Variants in NOM1 observed in about 807,000 individuals in gnomAD.
NOM1 encodes nucleolar MIF4G domain-containing protein 1.
Under a neutral mutation model 73.3 loss-of-function variants are expected in NOM1, and 58 were observed. The ratio of observed to expected loss-of-function variants is 0.79; its 90% CI spans 0.64 to 0.99. The LOEUF (loss-of-function observed/expected upper bound fraction) is 0.99. Ranked by LOEUF, NOM1 falls within the 50% of genes least tolerant of loss-of-function variation. The pLI is 0.00. For missense variants in NOM1, 1,226 were observed against 1,131.9 expected (o/e 1.08, Z -1.19); for synonymous variants, 487 against 446.8 (o/e 1.09, Z -1.14).
intron 7 of NOM1, 151 bp from the exon 8 acceptor site, chr7:156,966,119 C>A: frequency 1.1e-6 from 1 of 874,392 alleles, no homozygotes; most frequent in Non-Finnish European, 1.8e-6. Context: ...GGGCTGGGCC[C>A]CTAGCTGGTG....
intron 3 of NOM1, among the ~76,000 whole-genome samples, chr7:156,957,997 T>C (rs1043776785): frequency 6.6e-6 from 1 of 152,196 alleles, no homozygotes; most frequent in Admixed American, 6.6e-5. Context: ...CTTTACAAAC[T>C]GAAGTGTATA....
At chr7:156,958,246 C>A (rs1442702840) in intron 3 of NOM1, among the ~76,000 whole-genome samples, 1 of 152,220 alleles carries the variant, frequency 6.6e-6, no homozygotes, top group Non-Finnish European at 1.5e-5. Flanking sequence ...AACCCCTGAG[C>A]TGGTCTTGTC....
intron 7 of NOM1, 197 bp from the exon 8 acceptor site, chr7:156,966,072 AT>A: frequency 1.6e-6 from 1 of 626,948 alleles, no homozygotes; most frequent in Non-Finnish European, 2.8e-6. Flanking sequence ...ATTTTGCCAC[AT>A]TGTAGGAGAA....
intron 3 of NOM1, among the ~76,000 whole-genome samples, chr7:156,957,648 G>T (rs1041278195): frequency 6.6e-6 from 1 of 151,766 alleles, no homozygotes; most frequent in African/African-American, 2.4e-5. Flanking sequence ...GGTGGCAGGT[G>T]CCTATAGTCC....
chr7:156,954,240 G>A lies in NOM1; in HGVS notation c.1250G>A (p.Arg417Lys), dbSNP rs1306910808. The A allele has an allele frequency of 6.2e-7, 1 of 1,611,848 alleles. No individual in the cohort carries two copies. Among genetic ancestry groups the A allele is most frequent in the Non-Finnish European group, 8.5e-7 (1 of 1,179,410 alleles). Residue 417 changes from arginine to lysine, a missense_variant, in exon 3 of 11, where the codon AGA becomes AAA. Transcript: ENST00000275820. ...ACVTASAMPS[R>K]LMMEHVLLVS... ...GTCACTGCCTCGGCCATGCCCAGCAGACTGATGATGGAGCATGTTCTCTTA... is the reference window on the plus strand; with the variant it reads ...GTCACTGCCTCGGCCATGCCCAGCAAACTGATGATGGAGCATGTTCTCTTA...
At chr7:156,961,790 G>A (rs1238820593) in intron 4 of NOM1, among the ~76,000 whole-genome samples, 2 of 152,108 alleles carry the variant, frequency 1.3e-5, no homozygotes, top group Non-Finnish European at 2.9e-5. Flanking sequence ...GAGAGAGGAT[G>A]TCCAGAGCAG....
Position 156,969,564 on chromosome 7 carries a change from A to C in NOM1, c.2444A>C (p.Glu815Ala), listed in dbSNP as rs369227371. Residue 815 changes from glutamate to alanine, a missense_variant, in exon 11 of 11, where the codon GAG becomes GCG. Glu to Ala is a moderately radical substitution (Grantham distance 107, BLOSUM62 -1). Coordinates refer to ENST00000275820, the MANE Select transcript of NOM1 (RefSeq NM_138400.2). ...AACCCAAAGCTGGGGGTGTTACGTG[A>C]GGGTTTGAAGCTTTTCATCAGCCAC... ...SDNPKLGVLREGLKLFISHFL... is the reference protein window; with the variant it reads ...SDNPKLGVLRAGLKLFISHFL... The C allele has an allele frequency of 6.2e-7, 1 of 1,613,728 alleles. No homozygotes were observed. Among genetic ancestry groups the C allele is most frequent in the Non-Finnish European group, 8.5e-7 (1 of 1,179,918 alleles).
chr7:156,954,519 A>ATTTTTTTT, intron 3 of NOM1, among the ~76,000 whole-genome samples: 1 of 97,102 alleles, frequency 1.0e-5, no homozygotes, highest in South Asian at 3.1e-4. Context: ...TGTTCTGTCC[A>ATTTTTTTT]TTCTTTTTTT....
intron 1 of NOM1, among the ~76,000 whole-genome samples, chr7:156,952,171 C>G (rs1804609964): frequency 6.6e-6 from 1 of 152,112 alleles, no homozygotes; most frequent in South Asian, 2.1e-4. Flanking sequence ...AGATAGGGCT[C>G]TGTTGGAGTT....
intron 10 of NOM1, 106 bp from the exon 11 acceptor site, chr7:156,969,423 T>G: frequency 9.8e-7 from 1 of 1,018,366 alleles, no homozygotes; most frequent in East Asian, 2.5e-5. Context: ...TTGAGAATTT[T>G]ATTTTTAAAA....
intron 4 of NOM1, 66 bp from the exon 5 acceptor site, chr7:156,962,085 C>A: frequency 7.3e-7 from 1 of 1,367,298 alleles, no homozygotes; most frequent in South Asian, 1.2e-5. Context: ...GATTTCTTGC[C>A]AACTTGAATG....
Position 156,971,869 on chromosome 7 carries a change from C to T in NOM1, c.*2166C>T, listed in dbSNP as rs1805148488. ...CATTCGACCCGAAGCCAGATTCAAA[C>T]CCTATGTCTTCTAGCAGGTTCTGAA... is the stretch of plus-strand genomic sequence containing the variant. On this transcript the variant is annotated 3_prime_UTR_variant, in exon 11 of 11. Transcript: ENST00000275820. The T allele has an allele frequency of 6.6e-6, 1 of 152,242 alleles. No individual in the cohort carries two copies. The highest frequency in any genetic ancestry group is 2.4e-5 in the African/African-American group (1 of 41,468). The allele number at this position is 152,242 out of a possible 1,614,324, so 9.4% of individuals were successfully genotyped here.
At position 156,971,848 on chromosome 7, in the gene NOM1, C is replaced by T. The variant is rs543608991; in HGVS notation, c.*2145C>T. ...TAACCCTGCATTCAGCAACATCATT[C>T]GACCCGAAGCCAGATTCAAACCCTA... is the stretch of plus-strand genomic sequence containing the variant. On this transcript the variant is annotated 3_prime_UTR_variant, in exon 11 of 11. Transcript: ENST00000275820. The T allele has an allele frequency of 6.6e-6, 1 of 152,368 alleles. No individual in the cohort carries two copies. Among genetic ancestry groups the T allele is most frequent in the South Asian group, 2.1e-4 (1 of 4,834 alleles). 9.4% of individuals were successfully genotyped at this position (152,368 alleles called of 1,614,324 possible).
chr7:156,963,733 C>T (rs1281990483), intron 6 of NOM1, 172 bp from the exon 7 acceptor site: 4 of 606,254 alleles, frequency 6.6e-6, no homozygotes, highest in Non-Finnish European at 8.0e-6. Context: ...GCTGTGGCTT[C>T]ACTATGTGTT....
At chr7:156,962,466 G>A (rs1031336080) in intron 5 of NOM1, among the ~76,000 whole-genome samples, 1 of 152,226 alleles carries the variant, frequency 6.6e-6, no homozygotes, top group Non-Finnish European at 1.5e-5. Context: ...GTCCGTGTGT[G>A]GGGAAGCCCA....
intron 7 of NOM1, among the ~76,000 whole-genome samples, chr7:156,964,855 G>T (rs1320630927): frequency 2.6e-5 from 4 of 152,138 alleles, no homozygotes; most frequent in Non-Finnish European, 5.9e-5. Flanking sequence ...CTCTAAAAGG[G>T]CTCTTTTGAG....
Position 156,954,255 on chromosome 7 carries a change from A to G in NOM1, c.1265A>G (p.His422Arg), listed in dbSNP as rs769794974. ...SAMPSRLMME[H>R]VLLVSILHHT... ...ATGCCCAGCAGACTGATGATGGAGCATGTTCTCTTAGTCAGCATCCTTCAC... is the reference window on the plus strand; with the variant it reads ...ATGCCCAGCAGACTGATGATGGAGCGTGTTCTCTTAGTCAGCATCCTTCAC... Residue 422 changes from histidine (H) to arginine (R), a missense_variant, in exon 3 of 11, where the codon CAT becomes CGT. Physicochemically the swap from His to Arg is conservative, Grantham distance 29. Coordinates refer to ENST00000275820, the MANE Select transcript of NOM1 (RefSeq NM_138400.2). The G allele has an allele frequency of 1.2e-5, 20 of 1,609,540 alleles. No homozygotes were observed. The East Asian group carries it at 2.2e-4, about 18-fold the overall frequency.
chr7:156,949,716 G>A lies in NOM1; in HGVS notation c.-22G>A. The A allele has an allele frequency of 7.6e-7, 1 of 1,316,460 alleles. No individual in the cohort carries two copies. The highest frequency in any genetic ancestry group is 9.6e-7 in the Non-Finnish European group (1 of 1,037,628). The allele number at this position is 1,316,460 out of a possible 1,614,324, so 81.5% of individuals were successfully genotyped here. A position where few individuals can be genotyped will look rare whatever the true frequency, so the allele number is the denominator to read the frequency against. On this transcript the variant is annotated 5_prime_UTR_variant, in exon 1 of 11. In the 5' UTR this introduces an upstream ATG that the reference lacks. Coordinates refer to ENST00000275820, the MANE Select transcript of NOM1 (RefSeq NM_138400.2). ...GGAAGTCCCGCCTCGGCCGGAAGTC[G>A]TGCGTCCACGCGTTTCGAAAGATGG... is the stretch of plus-strand genomic sequence containing the variant.
rs570746401 is a variant in NOM1 at position 156,953,870 on chromosome 7, A to G, written c.1113-233A>G. On this transcript the variant is annotated intron_variant, in intron 2 of 10. Coordinates refer to ENST00000275820, the MANE Select transcript of NOM1 (RefSeq NM_138400.2). ...ATCCAGGGTATGCCTCAGTGTGGCCACATTTCATCTTGTAAAGACAGCAAT... is the reference window on the plus strand; with the variant it reads ...ATCCAGGGTATGCCTCAGTGTGGCCGCATTTCATCTTGTAAAGACAGCAAT... Among the ~76,000 whole-genome samples, 15 of 152,338 alleles carry G rather than the reference A, an allele frequency of 9.8e-5. No individual in the cohort carries two copies. In the South Asian group the frequency reaches 3.1e-3, roughly 32 times the overall value.
Sources: allele counts gnomAD v4.1 joint callset (sites outside exome capture counted in the v4.1 genomes callset), GRCh38; gene constraint gnomAD v4.1.1; transcripts MANE v1.5; gene names NCBI Gene and HGNC (gene_info 2026-07-23, HGNC 2026-07-21).